INPP4A: variants seen among roughly 807,000 people sequenced by gnomAD.
INPP4A encodes the protein inositol polyphosphate-4-phosphatase type I A, also known as inositol polyphosphate-4-phosphatase, type I, 107kD.
A neutral mutation model predicts 119.8 loss-of-function variants in INPP4A; 33 were observed. The ratio of observed to expected loss-of-function variants is 0.28; its 90% CI spans 0.21 to 0.37. INPP4A has a LOEUF of 0.37. INPP4A is among the 10% of genes least tolerant of loss of function. The pLI, the probability that INPP4A is intolerant of heterozygous loss-of-function variation, is 1.00. For missense variants in INPP4A, 956 were observed against 1,289.9 expected (o/e 0.74, Z 3.97); for synonymous variants, 496 against 500.7 (o/e 0.99, Z 0.12).
chr2:98,559,283 A>G (rs1371688865), intron 16 of INPP4A, among the ~76,000 whole-genome samples, 180 bp from the exon 17 acceptor site: 1 of 152,212 alleles, frequency 6.6e-6, no homozygotes, highest in Non-Finnish European at 1.5e-5. Flanking sequence ...GCCTTGGAGC[A>G]GCCAGAGTAC....
chr2:98,572,957 A>G lies in INPP4A; in HGVS notation c.2631+30A>G, dbSNP rs776532649. The G allele has an allele frequency of 2.7e-6, 4 of 1,470,076 alleles. 1 individual carries two copies. The South Asian group carries it at 3.6e-5, about 13-fold the overall frequency. 91.1% of individuals were successfully genotyped at this position (1,470,076 alleles called of 1,614,324 possible). A position where few individuals can be genotyped will look rare whatever the true frequency, so the allele number is the denominator to read the frequency against. On this transcript the variant is annotated intron_variant, in intron 23 of 24. Transcript: ENST00000409851. ...TGGTTACAGAGAGGAAAAGGAGGCT[A>G]TTGCGGTGCCCACAGCTGAACGTCA...
chr2:98,553,685 A>G (rs1399354313), intron 14 of INPP4A, among the ~76,000 whole-genome samples: 1 of 152,186 alleles, frequency 6.6e-6, no homozygotes, highest in African/African-American at 2.4e-5. Flanking sequence ...AGGTGTTCAC[A>G]CAGCATAGAG....
intron 1 of INPP4A, among the ~76,000 whole-genome samples, chr2:98,501,713 G>C (rs1317052490): frequency 6.6e-6 from 1 of 152,218 alleles, no homozygotes; most frequent in Non-Finnish European, 1.5e-5. Context: ...TGAGGGCTGG[G>C]GAAAGGGACC....
chr2:98,512,163 G>A (rs568567259), intron 1 of INPP4A, among the ~76,000 whole-genome samples: 5 of 152,210 alleles, frequency 3.3e-5, no homozygotes, highest in African/African-American at 1.2e-4. Context: ...AGCTCTATGC[G>A]GATGTTTTCT....
Position 98,565,250 on chromosome 2 carries a change from T to C in INPP4A, c.2153-390T>C, listed in dbSNP as rs144253130. 3.3e-5 allele frequency among the ~76,000 whole-genome samples: 5 copies of C among 152,346 alleles called. No individual in the cohort carries two copies. In the East Asian group the frequency reaches 7.7e-4, roughly 23 times the overall value. Reference sequence around the variant, plus strand: ...ATCATTGGAAATTGAGGACATCGAATAGATATCAAGCCCTGTGTAATGGGA... The same window carrying C: ...ATCATTGGAAATTGAGGACATCGAACAGATATCAAGCCCTGTGTAATGGGA... On this transcript the variant is annotated intron_variant, in intron 19 of 24. Coordinates refer to ENST00000409851, the MANE Select transcript of INPP4A (RefSeq NM_001134225.2).
At chr2:98,552,500 T>G (rs1693712104) in intron 13 of INPP4A, 2 of 522,640 alleles carry the variant, frequency 3.8e-6, no homozygotes, top group Admixed American at 4.6e-5. Flanking sequence ...TGGGATATGA[T>G]TGTTCAATAC....
chr2:98,473,044 C>G (rs1408337975), intron 1 of INPP4A, among the ~76,000 whole-genome samples: 4 of 136,978 alleles, frequency 2.9e-5, no homozygotes, highest in Non-Finnish European at 3.1e-5. Context: ...AGTGTGGGTG[C>G]AGTGAAGAGT....
At chr2:98,487,298 A>G (rs56091613) in intron 1 of INPP4A, among the ~76,000 whole-genome samples, 36,983 of 152,182 alleles carry the variant, frequency 0.24, 4,650 homozygotes, top group Middle Eastern at 0.35. Context: ...TGTATTTGTC[A>G]TATCTCCCTA....
intron 4 of INPP4A, among the ~76,000 whole-genome samples, chr2:98,531,834 G>A (rs1689293845): frequency 6.6e-6 from 1 of 152,218 alleles, no homozygotes. Flanking sequence ...ATGTTCCTAA[G>A]TAGAAGGCTG....
rs182292258 is a variant in INPP4A, at chr2:98,477,192, C to T, written c.-166+32107C>T. On this transcript the variant is annotated intron_variant, in intron 1 of 24. Transcript: ENST00000409851. ...AGGTGAAATGAGTTCTCCCTGGGGA[C>T]GTGTAGCGTGGCGGGTGAGCGGCAG... 2.9e-3 allele frequency among the ~76,000 whole-genome samples: 444 copies of T among 152,350 alleles called. 1 individual carries two copies. The highest frequency in any genetic ancestry group is 4.6e-3 in the Non-Finnish European group (311 of 68,036).
intron 1 of INPP4A, among the ~76,000 whole-genome samples, chr2:98,463,322 C>T (rs148014761): frequency 7.9e-4 from 121 of 152,322 alleles, no homozygotes; most frequent in African/African-American, 2.8e-3. Context: ...CAGCCAGGCC[C>T]AGGAACACAC....
At chr2:98,467,646 G>A (rs1189609564) in intron 1 of INPP4A, among the ~76,000 whole-genome samples, 1 of 152,068 alleles carries the variant, frequency 6.6e-6, no homozygotes, top group Non-Finnish European at 1.5e-5. Flanking sequence ...TTTTCCTTAA[G>A]TTAGAGTTTT....
chr2:98,447,819 G>A (rs1164948578), intron 1 of INPP4A, among the ~76,000 whole-genome samples: 1 of 151,990 alleles, frequency 6.6e-6, no homozygotes, highest in Non-Finnish European at 1.5e-5. Flanking sequence ...AGGCCGAGGC[G>A]GGCGGATCAC....
chr2:98,467,308 G>A (rs1157301814), intron 1 of INPP4A, among the ~76,000 whole-genome samples: 1 of 152,166 alleles, frequency 6.6e-6, no homozygotes. Flanking sequence ...TCTGACATTC[G>A]GGATTAAATT....
At position 98,559,456 on chromosome 2, in the gene INPP4A, T is replaced by C. The variant is rs368119936; in HGVS notation, c.1823-7T>C. 36 of 1,613,936 alleles carry C rather than the reference T, an allele frequency of 2.2e-5. No homozygotes were observed. The highest frequency in any genetic ancestry group is 3.0e-5 in the Non-Finnish European group (35 of 1,179,894). On this transcript the variant is annotated splice_region_variant and splice_polypyrimidine_tract_variant and intron_variant, in intron 16 of 24. Coordinates refer to ENST00000409851, the MANE Select transcript of INPP4A (RefSeq NM_001134225.2). ...AATCATCCATGTCGCCCTCCATTTC[T>C]GTGCAGATTGCAGTCCCCCTCCTGA...
chr2:98,504,790 A>G (rs762363286), intron 1 of INPP4A, among the ~76,000 whole-genome samples: 18 of 152,246 alleles, frequency 1.2e-4, no homozygotes, highest in Non-Finnish European at 2.2e-4. Context: ...ACTTGTCTGA[A>G]GCACGTTATT....
chr2:98,566,177 C>T lies in INPP4A; in HGVS notation c.2420+8C>T. 6.3e-7 allele frequency: 1 copy of T among 1,578,890 alleles called. No homozygotes were observed. ...GCAGACACTGGCCGAGAGGTGCGTG[C>T]CGGCTCCTCGGGGCTGCGGGGGTGT... On this transcript the variant is annotated splice_region_variant and intron_variant, in intron 21 of 24. Coordinates refer to ENST00000409851, the MANE Select transcript of INPP4A (RefSeq NM_001134225.2). This position sits in a 1 kb window ranked among gnomAD's most constrained non-coding sequence, Gnocchi z 4.2.
chr2:98,589,684 A>G lies in INPP4A; in HGVS notation c.*2076A>G, dbSNP rs1700256293. The G allele has an allele frequency of 1.1e-5, 2 of 180,578 alleles. No individual in the cohort carries two copies. Among genetic ancestry groups the G allele is most frequent in the Admixed American group, 6.3e-5 (1 of 15,902 alleles). The allele number at this position is 180,578 out of a possible 1,614,324, so 11.2% of individuals were successfully genotyped here. A position where few individuals can be genotyped will look rare whatever the true frequency, so the allele number is the denominator to read the frequency against. On this transcript the variant is annotated 3_prime_UTR_variant, in exon 25 of 25. Transcript: ENST00000409851. ...ATTCCTGGGCTTCCGGCAGCATCAC[A>G]CGCTTCCAGTGCCTGCAGGGTGAGG... is the stretch of plus-strand genomic sequence containing the variant.
chr2:98,517,108 C>A (rs1444107145), intron 1 of INPP4A, among the ~76,000 whole-genome samples: 3 of 152,146 alleles, frequency 2.0e-5, no homozygotes, highest in African/African-American at 7.2e-5. Flanking sequence ...TCAGTACCCA[C>A]CCCTTCAGGA....
Sources: allele counts gnomAD v4.1 joint callset (sites outside exome capture counted in the v4.1 genomes callset), GRCh38; gene constraint gnomAD v4.1.1; non-coding constraint Gnocchi (gnomAD v3.1); transcripts MANE v1.5; gene names NCBI Gene and HGNC (gene_info 2026-07-23, HGNC 2026-07-21).